Variants in BACH2 observed in about 807,000 individuals in gnomAD.
The protein encoded by BACH2 is BACH transcriptional regulator 2.
Under a neutral mutation model 61.8 loss-of-function variants are expected in BACH2, and 5 were observed. The observed-to-expected ratio is 0.08, with a 90% CI of 0.04 to 0.17. The LOEUF (loss-of-function observed/expected upper bound fraction) is 0.17, where lower values mean the gene tolerates loss of function less well. Among genes scored for constraint, BACH2 ranks in the 10% least tolerant of loss-of-function variants. BACH2 has a pLI of 1.00. For synonymous variants in BACH2, 446 were observed against 440.1 expected (o/e 1.01, Z -0.17); for missense variants, 824 against 1,091.1 (o/e 0.76, Z 3.45).
At chr6:90,159,306 A>G (rs1785107496) in intron 4 of BACH2, among the ~76,000 whole-genome samples, 1 of 152,252 alleles carries the variant, frequency 6.6e-6, no homozygotes, top group African/African-American at 2.4e-5. Flanking sequence ...AGCCAAATAC[A>G]GTATCCACTG....
chr6:90,098,273 GC>G (rs68182145), intron 4 of BACH2, among the ~76,000 whole-genome samples: 74,594 of 150,314 alleles, frequency 0.5, 19,000 homozygotes, highest in East Asian at 0.82. Context: ...AGATTTCTTT[GC>G]CCCCCCCGCA....
intron 4 of BACH2, among the ~76,000 whole-genome samples, chr6:90,187,863 T>A (rs561098502): frequency 6.6e-6 from 1 of 152,178 alleles, no homozygotes; most frequent in Non-Finnish European, 1.5e-5. Flanking sequence ...ACATTTTAGA[T>A]AGAGGCTGTG....
chr6:90,210,620 T>C (rs1352031514), intron 3 of BACH2, among the ~76,000 whole-genome samples: 1 of 152,206 alleles, frequency 6.6e-6, no homozygotes. Context: ...TGAGTTACCA[T>C]GGTGGAATCA....
At chr6:90,166,987 C>A (rs1767646418) in intron 4 of BACH2, among the ~76,000 whole-genome samples, 1 of 152,148 alleles carries the variant, frequency 6.6e-6, no homozygotes, top group Admixed American at 6.5e-5. Flanking sequence ...AGCGCACCAA[C>A]ATGGCACATG....
chr6:90,199,685 C>A (rs542647319), intron 4 of BACH2, among the ~76,000 whole-genome samples: 1 of 152,164 alleles, frequency 6.6e-6, no homozygotes, highest in African/African-American at 2.4e-5. Flanking sequence ...TTTCCATGCA[C>A]CTCACATTCG....
chr6:90,224,214 T>C (rs185309619), intron 3 of BACH2, among the ~76,000 whole-genome samples: 4 of 152,246 alleles, frequency 2.6e-5, no homozygotes, highest in African/African-American at 9.6e-5. Context: ...TAATGATAAT[T>C]TGACAACTAT....
chr6:90,034,729 A>C (rs2127789167), intron 5 of BACH2, among the ~76,000 whole-genome samples: 1 of 152,266 alleles, frequency 6.6e-6, no homozygotes, highest in Admixed American at 6.5e-5. Flanking sequence ...TTGCTATGTC[A>C]TCCTCAGCTA....
intron 4 of BACH2, among the ~76,000 whole-genome samples, chr6:90,148,547 C>G (rs75063393): frequency 0.011 from 1,650 of 152,198 alleles, 49 homozygotes; most frequent in East Asian, 0.061. Context: ...AGCCATGAAG[C>G]ATTCATACAT....
chr6:90,151,275 C>T (rs1256894253), intron 4 of BACH2, among the ~76,000 whole-genome samples: 1 of 152,054 alleles, frequency 6.6e-6, no homozygotes, highest in Non-Finnish European at 1.5e-5. Context: ...AAATACTGAC[C>T]CTTTCCTGCT....
At chr6:90,180,052 A>G (rs1010214624) in intron 4 of BACH2, among the ~76,000 whole-genome samples, 1 of 152,304 alleles carries the variant, frequency 6.6e-6, no homozygotes, top group East Asian at 1.9e-4. Context: ...TTCTGAGAAG[A>G]GCAAAACATA....
At chr6:90,204,926 G>A (rs1462901275) in intron 4 of BACH2, among the ~76,000 whole-genome samples, 1 of 152,146 alleles carries the variant, frequency 6.6e-6, no homozygotes, top group Non-Finnish European at 1.5e-5. Context: ...CTTTCTCTTT[G>A]GCTCAGCTCA....
chr6:90,295,792 G>C (rs1772339950), intron 1 of BACH2, among the ~76,000 whole-genome samples: 1 of 152,206 alleles, frequency 6.6e-6, no homozygotes, highest in South Asian at 2.1e-4. Flanking sequence ...CCGACAACCC[G>C]ATCTTTCGCT....
At chr6:90,163,483 G>A in intron 4 of BACH2, among the ~76,000 whole-genome samples, 1 of 152,152 alleles carries the variant, frequency 6.6e-6, no homozygotes, top group South Asian at 2.1e-4. Flanking sequence ...AAAGTCAAAT[G>A]TGGACCCCTA....
intron 4 of BACH2, among the ~76,000 whole-genome samples, chr6:90,122,265 ACCT>A (rs1296810461): frequency 1.3e-5 from 2 of 151,956 alleles, no homozygotes; most frequent in Admixed American, 6.6e-5. Flanking sequence ...TTTTTGAGAA[ACCT>A]CCTCCTCAAC....
intron 4 of BACH2, among the ~76,000 whole-genome samples, chr6:90,145,088 C>CAGA (rs1354943244): frequency 6.6e-6 from 1 of 152,094 alleles, no homozygotes; most frequent in Non-Finnish European, 1.5e-5. Context: ...GTGGTGATTG[C>CAGA]AGATGCAGTT....
chr6:90,100,714 C>G (rs202023027), intron 4 of BACH2, among the ~76,000 whole-genome samples: 3 of 57,814 alleles, frequency 5.2e-5, no homozygotes, highest in African/African-American at 1.5e-4. Context: ...CACACACACA[C>G]ACACACACAC....
At chr6:89,987,373 T>C (rs1042796612) in intron 6 of BACH2, among the ~76,000 whole-genome samples, 3 of 152,084 alleles carry the variant, frequency 2.0e-5, no homozygotes, top group African/African-American at 7.2e-5. Context: ...TCAAATCAGA[T>C]GGAGGCTGTC....
chr6:89,998,465 T>C (rs1051873958), intron 6 of BACH2, among the ~76,000 whole-genome samples: 1 of 152,136 alleles, frequency 6.6e-6, no homozygotes, highest in Admixed American at 6.6e-5. Flanking sequence ...TTACTATGTG[T>C]ACCAAATTAA....
At chr6:90,192,065 G>A (rs551595015) in intron 4 of BACH2, among the ~76,000 whole-genome samples, 6 of 152,246 alleles carry the variant, frequency 3.9e-5, no homozygotes, top group African/African-American at 1.4e-4. Context: ...AAGTCTTTAG[G>A]TAAAAACTGT....
Sources: allele counts gnomAD v4.1 joint callset (sites outside exome capture counted in the v4.1 genomes callset), GRCh38; gene constraint gnomAD v4.1.1; transcripts MANE v1.5; gene names NCBI Gene and HGNC (gene_info 2026-07-23, HGNC 2026-07-21).